PHEX: variants seen among roughly 807,000 people sequenced by gnomAD.
PHEX encodes the protein phosphate-regulating neutral endopeptidase PHEX.
Under a neutral mutation model 68.0 loss-of-function variants are expected in PHEX, and 16 were observed. That is an observed-to-expected ratio of 0.24 (90% CI 0.16 to 0.36). The LOEUF (loss-of-function observed/expected upper bound fraction) is 0.36, where lower values mean the gene tolerates loss of function less well. Among genes scored for constraint, PHEX ranks in the 10% least tolerant of loss-of-function variants. The pLI, the probability that PHEX is intolerant of heterozygous loss-of-function variation, is 1.00. For missense variants in PHEX, 480 were observed against 575.5 expected, an observed-to-expected ratio of 0.83 and a Z score of 1.70; for synonymous variants, 208 against 205.1, an observed-to-expected ratio of 1.01 and a Z score of -0.12.
intron 6 of PHEX, among the ~76,000 whole-genome samples, chrX:22,092,875 G>A (rs1056603547): frequency 6.7e-5 from 7 of 104,203 alleles, no homozygotes; most frequent in East Asian, 3.1e-4. Context: ...TCAGCCTCCC[G>A]AATAGCTGAG....
intron 12 of PHEX, among the ~76,000 whole-genome samples, chrX:22,164,568 A>G (rs977266078): frequency 6.3e-5 from 7 of 111,980 alleles, no homozygotes; most frequent in Non-Finnish European, 1.3e-4. Flanking sequence ...AAAACAATGC[A>G]TAATTCACCA....
chrX:22,110,397 G>T (rs1328841776), intron 9 of PHEX, among the ~76,000 whole-genome samples: 1 of 111,693 alleles, frequency 9.0e-6, no homozygotes, highest in African/African-American at 3.3e-5. Context: ...AATTTTTTTT[G>T]ATCTTTGGAA....
intron 14 of PHEX, among the ~76,000 whole-genome samples, chrX:22,185,358 C>G (rs961482968): frequency 2.7e-5 from 3 of 112,243 alleles, no homozygotes; most frequent in Non-Finnish European, 5.6e-5. Flanking sequence ...GGACAACAGT[C>G]AAAGCCCATA....
At chrX:22,051,445 C>A (rs1256957976) in intron 3 of PHEX, among the ~76,000 whole-genome samples, 2 of 111,234 alleles carry the variant, frequency 1.8e-5, no homozygotes, top group Admixed American at 1.9e-4. Context: ...GCAGGAGAAT[C>A]GCTTGAACCC....
rs142279520 is a variant in PHEX, at chrX:22,214,545, A to G, written c.1700+1587A>G. Among the ~76,000 whole-genome samples, 20 of 112,166 alleles carry G rather than the reference A, an allele frequency of 1.8e-4. No individual in the cohort carries two copies. The East Asian group carries it at 4.8e-3, about 27-fold the overall frequency. On this transcript the variant is annotated intron_variant, in intron 16 of 21. Transcript: ENST00000379374. Reference sequence around the variant, plus strand: ...GAGCTCAGTCTTGCTGGGGAACTGTAAAACATGCTTCAGAGTGATCCCATC... The same window carrying G: ...GAGCTCAGTCTTGCTGGGGAACTGTGAAACATGCTTCAGAGTGATCCCATC...
At chrX:22,224,938 A>C (rs573671704) in intron 18 of PHEX, among the ~76,000 whole-genome samples, 1 of 226 alleles carries the variant, frequency 4.4e-3, no homozygotes, top group African/African-American at 8.5e-3. Flanking sequence ...AGTAGCTTCA[A>C]ATAACATAAA....
chrX:22,239,160 G>GACAA (rs377387202), intron 20 of PHEX, among the ~76,000 whole-genome samples: 9 of 111,862 alleles, frequency 8.0e-5, no homozygotes, highest in African/African-American at 2.9e-4. Flanking sequence ...AAGGAAAACT[G>GACAA]ACAAACAAAC....
intron 12 of PHEX, among the ~76,000 whole-genome samples, chrX:22,136,814 C>T (rs1053058454): frequency 8.0e-5 from 9 of 111,876 alleles, no homozygotes; most frequent in Admixed American, 3.8e-4. Context: ...CCTCTGCTCC[C>T]GTGAAGGGTA....
At position 22,249,451 on chromosome X, in the gene PHEX, A is replaced by ATAT. The variant is rs1247898023; in HGVS notation, c.*1498_*1499insTAT. 7.0e-5 allele frequency: 2 copies of ATAT among 28,502 alleles called. No homozygotes were observed. Among genetic ancestry groups the ATAT allele is most frequent in the African/African-American group, 4.2e-4 (2 of 4,819 alleles). 2.3% of individuals were successfully genotyped at this position (28,502 alleles called of 1,213,427 possible). On this transcript the variant is annotated 3_prime_UTR_variant, in exon 22 of 22. Coordinates refer to ENST00000379374, the MANE Select transcript of PHEX (RefSeq NM_000444.6). ...TGATTTGTGATTCTTTTAAAAAAAA[A>ATAT]AAAAATATATATATATATATATATA... is the stretch of plus-strand genomic sequence containing the variant.
chrX:22,097,643 TG>T, intron 8 of PHEX: 1 of 416,092 alleles, frequency 2.4e-6, no homozygotes, highest in Non-Finnish European at 3.0e-6. Flanking sequence ...GTTTCAACAG[TG>T]GACACAGGCA....
intron 15 of PHEX, among the ~76,000 whole-genome samples, chrX:22,201,474 C>T (rs1232456620): frequency 9.0e-6 from 1 of 111,639 alleles, no homozygotes; most frequent in East Asian, 2.8e-4. Flanking sequence ...TGTGAGCCAC[C>T]ATGCCCAGAC....
chrX:22,129,918 C>G (rs977009016), intron 11 of PHEX, among the ~76,000 whole-genome samples: 1 of 111,672 alleles, frequency 9.0e-6, no homozygotes, highest in African/African-American at 3.3e-5. Flanking sequence ...TCCAGACTTG[C>G]TGTCTTCGCT....
intron 7 of PHEX, among the ~76,000 whole-genome samples, chrX:22,095,522 C>T (rs777722172): frequency 1.1e-4 from 12 of 112,110 alleles, no homozygotes; most frequent in Non-Finnish European, 1.9e-4. Context: ...GCTCTGAGGC[C>T]AAAGGGCTCC....
At chrX:22,237,757 C>G (rs1936032314) in intron 20 of PHEX, among the ~76,000 whole-genome samples, 1 of 112,190 alleles carries the variant, frequency 8.9e-6, no homozygotes, top group South Asian at 3.7e-4. Flanking sequence ...GTTCTCTTTC[C>G]CCTCAAACAT....
chrX:22,206,140 ATTCT>A (rs1934705036), intron 15 of PHEX, among the ~76,000 whole-genome samples: 1 of 112,454 alleles, frequency 8.9e-6, no homozygotes, highest in South Asian at 3.6e-4. Flanking sequence ...GAACCAACAA[ATTCT>A]TTCATCTAGA....
chrX:22,221,128 C>G (rs1343017605), intron 17 of PHEX, among the ~76,000 whole-genome samples: 1 of 111,688 alleles, frequency 9.0e-6, no homozygotes, highest in East Asian at 2.8e-4. Flanking sequence ...CAGCTCCTGG[C>G]AACTTGGAGG....
chrX:22,163,683 C>T (rs777581327), intron 12 of PHEX, among the ~76,000 whole-genome samples: 1 of 111,960 alleles, frequency 8.9e-6, no homozygotes, highest in African/African-American at 3.2e-5. Flanking sequence ...TCACTGCTCT[C>T]TCAGCATTTA....
chrX:22,206,147 C>A (rs1050517598), intron 15 of PHEX, among the ~76,000 whole-genome samples: 5 of 112,247 alleles, frequency 4.5e-5, no homozygotes, highest in Non-Finnish European at 9.4e-5. Context: ...CAAATTCTTT[C>A]ATCTAGAAGG....
At chrX:22,125,922 C>A (rs1931698416) in intron 11 of PHEX, among the ~76,000 whole-genome samples, 1 of 109,900 alleles carries the variant, frequency 9.1e-6, no homozygotes, top group African/African-American at 3.4e-5. Context: ...AATATTTTCT[C>A]TTTATACTAT....
Sources: allele counts gnomAD v4.1 joint callset (sites outside exome capture counted in the v4.1 genomes callset), GRCh38; gene constraint gnomAD v4.1.1; transcripts MANE v1.5; gene names NCBI Gene and HGNC (gene_info 2026-07-23, HGNC 2026-07-21).